The following FAF1 variants were observed in gnomAD, a reference collection of about 807,000 sequenced individuals.
FAF1 encodes the protein Fas associated factor 1.
FAF1 carries 25 observed loss-of-function variants against 92.5 expected under a neutral mutation model. The observed-to-expected ratio is 0.27, with a 90% CI of 0.20 to 0.38. The LOEUF (loss-of-function observed/expected upper bound fraction) is 0.38, where lower values mean the gene tolerates loss of function less well. FAF1 is among the 10% of genes least tolerant of loss of function. FAF1 has a pLI of 1.00. For missense variants in FAF1, 636 were observed against 793.3 expected (o/e 0.80, Z 2.38); for synonymous variants, 234 against 273.2 (o/e 0.86, Z 1.42).
intron 7 of FAF1, among the ~76,000 whole-genome samples, chr1:50,701,304 C>T (rs1657463117): frequency 6.6e-6 from 1 of 151,962 alleles, no homozygotes. Context: ...ACTTAATTTA[C>T]CCTCTTGCAT....
At chr1:50,951,708 AGAAAG>A (rs1368553155) in intron 1 of FAF1, among the ~76,000 whole-genome samples, 10 of 152,262 alleles carry the variant, frequency 6.6e-5, no homozygotes. Flanking sequence ...AGGACAGAGG[AGAAAG>A]GAAAGAAAGG....
At chr1:50,594,344 A>G (rs1340465210) in intron 9 of FAF1, among the ~76,000 whole-genome samples, 1 of 151,942 alleles carries the variant, frequency 6.6e-6, no homozygotes, top group Non-Finnish European at 1.5e-5. Context: ...TATAGTTTAA[A>G]TAAAGTTCAT....
intron 18 of FAF1, among the ~76,000 whole-genome samples, chr1:50,453,810 TTTC>T (rs1257671539): frequency 7.9e-5 from 12 of 152,270 alleles, no homozygotes; most frequent in Non-Finnish European, 1.8e-4. Context: ...TGGCCAGCCT[TTTC>T]TTCATGCGTA....
rs553937359 is a variant in FAF1, at chr1:50,479,402, C to T, written c.1654-3723G>A. 3.2e-4 allele frequency among the ~76,000 whole-genome samples: 49 copies of T among 152,330 alleles called. 1 individual carries two copies. The highest frequency in any genetic ancestry group is 6.3e-4 in the Non-Finnish European group (43 of 68,028). ...TTCTAATCGGCCATCTTGGCGCTGTCCCTGACGCCACTTAGCAAATGCTGA... is the reference window on the plus strand; with the variant it reads ...TTCTAATCGGCCATCTTGGCGCTGTTCCTGACGCCACTTAGCAAATGCTGA... On this transcript the variant is annotated intron_variant, in intron 17 of 18. Coordinates refer to ENST00000396153, the MANE Select transcript of FAF1 (RefSeq NM_007051.3).
At chr1:50,718,076 A>G (rs1658259677) in intron 6 of FAF1, among the ~76,000 whole-genome samples, 1 of 151,220 alleles carries the variant, frequency 6.6e-6, no homozygotes, top group African/African-American at 2.4e-5. Flanking sequence ...CTGGAGTGCA[A>G]TGGTGTGGTC....
chr1:50,931,380 G>C (rs1345288049), intron 1 of FAF1, among the ~76,000 whole-genome samples: 1 of 152,116 alleles, frequency 6.6e-6, no homozygotes. Flanking sequence ...TGCTGATAAA[G>C]ACACACCCAA....
chr1:50,797,458 T>C (rs1661804172), intron 3 of FAF1, among the ~76,000 whole-genome samples: 1 of 152,038 alleles, frequency 6.6e-6, no homozygotes, highest in African/African-American at 2.4e-5. Context: ...CCTAGCACTT[T>C]GTGAGGCCAT....
At chr1:50,676,237 T>C (rs1397670272) in intron 7 of FAF1, among the ~76,000 whole-genome samples, 2 of 151,656 alleles carry the variant, frequency 1.3e-5, no homozygotes, top group East Asian at 3.9e-4. Flanking sequence ...TGAAACCCCG[T>C]CTCTGCTAAA....
chr1:50,562,901 C>A (rs2149053807), intron 13 of FAF1, among the ~76,000 whole-genome samples: 1 of 152,292 alleles, frequency 6.6e-6, no homozygotes, highest in Non-Finnish European at 1.5e-5. Flanking sequence ...AGCCAAGTAT[C>A]AAAAATATTC....
At chr1:50,858,582 G>C (rs184855025) in intron 1 of FAF1, among the ~76,000 whole-genome samples, 27 of 151,762 alleles carry the variant, frequency 1.8e-4, no homozygotes, top group African/African-American at 5.8e-4. Context: ...AAAAATGTAA[G>C]CTATCTCATT....
At chr1:50,698,473 T>A (rs185129996) in intron 7 of FAF1, among the ~76,000 whole-genome samples, 9 of 152,282 alleles carry the variant, frequency 5.9e-5, no homozygotes, top group Admixed American at 5.9e-4. Context: ...TCATGATCAA[T>A]CCACTTCTGC....
intron 8 of FAF1, among the ~76,000 whole-genome samples, chr1:50,613,382 G>C (rs1652765448): frequency 6.6e-6 from 1 of 152,122 alleles, no homozygotes; most frequent in African/African-American, 2.4e-5. Flanking sequence ...AACATAATTT[G>C]AACTTACGCA....
At chr1:50,827,573 T>C (rs1015517429) in intron 2 of FAF1, among the ~76,000 whole-genome samples, 1 of 151,800 alleles carries the variant, frequency 6.6e-6, no homozygotes, top group Non-Finnish European at 1.5e-5. Flanking sequence ...TCCACTATTA[T>C]CCTATGACCC....
intron 7 of FAF1, among the ~76,000 whole-genome samples, chr1:50,689,794 A>C (rs1435897948): frequency 6.6e-6 from 1 of 152,174 alleles, no homozygotes; most frequent in African/African-American, 2.4e-5. Flanking sequence ...ACACAGATGA[A>C]CCTTAAAAAC....
At chr1:50,647,567 A>G (rs534937288) in intron 8 of FAF1, among the ~76,000 whole-genome samples, 27 of 152,202 alleles carry the variant, frequency 1.8e-4, no homozygotes, top group Non-Finnish European at 3.4e-4. Flanking sequence ...TTGTTCCACA[A>G]ATGTCAAGTG....
chr1:50,657,513 G>A lies in FAF1; in HGVS notation c.658-1985C>T, dbSNP rs185150103. On this transcript the variant is annotated intron_variant, in intron 7 of 18. Coordinates refer to ENST00000396153, the MANE Select transcript of FAF1 (RefSeq NM_007051.3). ...GCAGATAGAGGCAGCAATGAGCCAC[G>A]ACTGTGCCACTGAACTCTGGGTGAC... 4.6e-5 allele frequency among the ~76,000 whole-genome samples: 7 copies of A among 151,800 alleles called. No individual in the cohort carries two copies. The South Asian group carries it at 8.4e-4, about 18-fold the overall frequency.
intron 8 of FAF1, among the ~76,000 whole-genome samples, chr1:50,618,752 CTT>C (rs1259518339): frequency 7.1e-5 from 10 of 140,470 alleles, no homozygotes; most frequent in East Asian, 2.0e-4. Flanking sequence ...GCAAAGCTTG[CTT>C]TTTTTTTTTT....
At position 50,582,680 on chromosome 1, in the gene FAF1, C is replaced by T. The variant is rs765274193; in HGVS notation, c.1051G>A (p.Val351Ile). 1.2e-6 allele frequency: 2 copies of T among 1,609,492 alleles called. No individual in the cohort carries two copies. The highest frequency in any genetic ancestry group is 1.7e-6 in the Non-Finnish European group (2 of 1,176,110). ...GCTTCTAATGAGCCAATAAAAAATA[C>T]AGGATGGCAATCACCATATCTATAG... ...FSSRYGDCHP[V>I]FFIGSLEAAF... is the part of the protein sequence containing the mutation. Residue 351 changes from valine to isoleucine, a missense_variant, in exon 12 of 19, where the codon GTA (valine) becomes ATA (isoleucine). By Grantham distance (29) the Val-to-Ile change is conservative (BLOSUM62 3). Around this residue, in one of 2 missense-constraint regions of FAF1, gnomAD observed 319 missense variants for 451.0 expected, o/e 0.71. Coordinates refer to ENST00000396153, the MANE Select transcript of FAF1 (RefSeq NM_007051.3).
At chr1:50,497,624 T>C (rs1377221057) in intron 15 of FAF1, among the ~76,000 whole-genome samples, 1 of 145,676 alleles carries the variant, frequency 6.9e-6, no homozygotes, top group East Asian at 2.1e-4. Context: ...TCTCGGCTCA[T>C]TGCAACCTCC....
Sources: gnomAD v4.1 joint callset for allele counts (sites outside exome capture counted in the v4.1 genomes callset) on GRCh38, gnomAD v4.1.1 for gene constraint, gnomAD v4.1.1 regional missense constraint, MANE v1.5 for transcripts, NCBI Gene and HGNC (gene_info 2026-07-23, HGNC 2026-07-21) for gene names.